The following PFKL variants were observed in gnomAD, a reference collection of about 807,000 sequenced individuals.
The protein encoded by PFKL is phosphofructokinase, liver type.
In PFKL, 74 loss-of-function variants were observed where a neutral mutation model predicts 92.1. The observed-to-expected ratio is 0.80, with a 90% CI of 0.67 to 0.97. The LOEUF is 0.97. Among genes scored for constraint, PFKL ranks in the 50% least tolerant of loss-of-function variants. PFKL has a pLI of 0.00. For missense variants in PFKL, 1,028 were observed against 1,116.6 expected, an observed-to-expected ratio of 0.92 and a Z score of 1.13; for synonymous variants, 494 against 456.4, an observed-to-expected ratio of 1.08 and a Z score of -1.05.
In PFKL at chr21:44,321,747, A is replaced by G. The variant is rs1271133953; in HGVS notation, c.1210A>G (p.Ile404Val). The change falls in exon 13 of 22, where the codon ATC becomes GTC. Residue 404 changes from isoleucine to valine, a missense_variant. Transcript: ENST00000349048. ...PKEKSNFSLAILNVGAPAAGM... is the reference protein window; with the variant it reads ...PKEKSNFSLAVLNVGAPAAGM... ...TCTGAAGTCTAACTTCTCCCTGGCC[A>G]TCCTGAATGTGGGGGCCCCGGCGGC... The G allele has an allele frequency of 1.3e-6, 2 of 1,581,660 alleles. No homozygotes were observed. Among genetic ancestry groups the G allele is most frequent in the East Asian group, 2.3e-5 (1 of 43,790 alleles).
intron 8 of PFKL, 39 bp from the exon 9 acceptor site, chr21:44,316,393 G>A (rs984993151): frequency 1.2e-6 from 2 of 1,612,106 alleles, no homozygotes; most frequent in East Asian, 2.2e-5. Context: ...AGGCCGTGTG[G>A]GCTGGGGCTC....
intron 2 of PFKL, among the ~76,000 whole-genome samples, chr21:44,308,021 TGCAGAGCCCA>T (rs2041002213): frequency 2.0e-5 from 3 of 152,302 alleles, no homozygotes; most frequent in Non-Finnish European, 2.9e-5. Flanking sequence ...TCCTGGCTTC[TGCAGAGCCCA>T]GCAGAGACCA....
At chr21:44,311,574 C>T (rs1407696623) in intron 3 of PFKL, among the ~76,000 whole-genome samples, 2 of 152,232 alleles carry the variant, frequency 1.3e-5, no homozygotes, top group African/African-American at 2.4e-5. Context: ...AGGTTCAGGC[C>T]GACCCTGTCA....
chr21:44,318,446 G>A, intron 9 of PFKL, 24 bp from the exon 10 acceptor site: 2 of 1,477,584 alleles, frequency 1.4e-6, no homozygotes, highest in Admixed American at 2.1e-5. Context: ...AAGTGGGTGT[G>A]CCAGCCTGAA....
chr21:44,326,611 T>G, intron 21 of PFKL, 104 bp from the exon 22 acceptor site: 1 of 1,284,600 alleles, frequency 7.8e-7, no homozygotes. Flanking sequence ...CAGAGGGGCA[T>G]GCACAGGCTG....
chr21:44,322,989 C>T lies in PFKL; in HGVS notation c.1437C>T (p.Ser479=), dbSNP rs773401861. ...CCCTGCCCAAGGGCCAGCTGGAGTC[C>T]ATTGTGGAGAACATCCGCATCTATG... ...KRTLPKGQLE[S]IVENIRIYGI... Residue 479 remains serine, a synonymous_variant, in exon 15 of 22, where the codon TCC becomes TCT. Coordinates refer to ENST00000349048, the MANE Select transcript of PFKL (RefSeq NM_002626.6). The T allele has an allele frequency of 1.9e-6, 3 of 1,612,764 alleles. No individual in the cohort carries two copies. The highest frequency in any genetic ancestry group is 1.7e-6 in the Non-Finnish European group (2 of 1,179,406).
chr21:44,320,741 C>T (rs1255948609), intron 12 of PFKL: 1 of 152,416 alleles, frequency 6.6e-6, no homozygotes, highest in East Asian at 1.9e-4. Context: ...AAAATGTTCC[C>T]AAACAGCTGA....
chr21:44,315,002 G>A (rs2838549), intron 7 of PFKL: 12,862 of 152,318 alleles, frequency 0.084, 578 homozygotes, highest in African/African-American at 0.11. Context: ...CCACCTCCGC[G>A]TGGCTGTACA....
At chr21:44,303,368 G>A (rs564480464) in intron 1 of PFKL, among the ~76,000 whole-genome samples, 7 of 135,658 alleles carry the variant, frequency 5.2e-5, no homozygotes, top group South Asian at 2.4e-4. Context: ...CCAAGATCCC[G>A]CCACTGCACT....
Position 44,313,654 on chromosome 21 carries a change from G to A in PFKL, c.610G>A (p.Val204Met), listed in dbSNP as rs770454707. ...TCTCCACAGCCACCAGAGGACCTTC[G>A]TGCTGGAAGTGATGGGCCGGCACTG... ...TTAQSHQRTF[V>M]LEVMGRHCGY... Residue 204 changes from valine (V) to methionine (M), a missense_variant, in exon 6 of 22, where the codon GTG (valine) becomes ATG (methionine). By Grantham distance (21) the Val-to-Met change is conservative. Transcript: ENST00000349048. 1.2e-6 allele frequency: 2 copies of A among 1,612,276 alleles called. No individual in the cohort carries two copies. Among genetic ancestry groups the A allele is most frequent in the South Asian group, 1.1e-5 (1 of 90,808 alleles).
In PFKL at chr21:44,326,171, C is replaced by CAGACT; in HGVS notation, c.2102_2103insAGACT (p.Asn702AspfsTer10). 1 of 1,612,616 alleles carries CAGACT rather than the reference C, an allele frequency of 6.2e-7. No individual in the cohort carries two copies. The highest frequency in any genetic ancestry group is 8.5e-7 in the Non-Finnish European group (1 of 1,179,544). ...CCTCTGTTTGCAGGACGGGTGTTCG[C>CAGACT]CAATGCCCCAGACTCGGCCTGCGTG... On this transcript the variant is annotated frameshift_variant, in exon 21 of 22. Coordinates refer to ENST00000349048, the MANE Select transcript of PFKL (RefSeq NM_002626.6). LOFTEE classifies it high-confidence loss of function.
In PFKL at chr21:44,326,930, G is replaced by T. The variant is rs535956650; in HGVS notation, c.*68G>T. ...AGCGCAGCGCCAGGGCTCAGATGGG[G>T]CCTGGGCTGTTGTGTCTGGAGCCTG... On this transcript the variant is annotated 3_prime_UTR_variant, in exon 22 of 22. Coordinates refer to ENST00000349048, the MANE Select transcript of PFKL (RefSeq NM_002626.6). The T allele has an allele frequency of 1.5e-3, 2,079 of 1,432,736 alleles. 6 individuals are homozygous for T. The highest frequency in any genetic ancestry group is 1.8e-3 in the South Asian group (151 of 82,084). The allele number at this position is 1,432,736 out of a possible 1,614,324, so 88.8% of individuals were successfully genotyped here. A position where few individuals can be genotyped will look rare whatever the true frequency, so the allele number is the denominator to read the frequency against.
At chr21:44,324,068 G>T in intron 16 of PFKL, 150 bp downstream of exon 16, 1 of 858,228 alleles carries the variant, frequency 1.2e-6, no homozygotes, top group Admixed American at 2.4e-5. Flanking sequence ...CGGGTGAAGG[G>T]GCTCAGCTCC....
Position 44,325,151 on chromosome 21 carries a change from A to G in PFKL, c.1878-2A>G. On this transcript the variant is annotated splice_acceptor_variant, in intron 18 of 21. Coordinates refer to ENST00000349048, the MANE Select transcript of PFKL (RefSeq NM_002626.6). LOFTEE classifies it high-confidence loss of function. Reference sequence around the variant, plus strand: ...CGACTCAGGCCCTGCTGCCCCTCTCAGGAACGAGAAGTGCCATGACTACTA... The same window carrying G: ...CGACTCAGGCCCTGCTGCCCCTCTCGGGAACGAGAAGTGCCATGACTACTA... The G allele has an allele frequency of 6.2e-7, 1 of 1,600,822 alleles. No homozygotes were observed. The highest frequency in any genetic ancestry group is 8.6e-7 in the Non-Finnish European group (1 of 1,168,682).
At chr21:44,304,771 G>C (rs1478760274) in intron 1 of PFKL, among the ~76,000 whole-genome samples, 1 of 135,788 alleles carries the variant, frequency 7.4e-6, no homozygotes, top group African/African-American at 2.8e-5. Context: ...CTGTCTTTCT[G>C]GGGGAGCTTG....
chr21:44,324,481 T>G lies in PFKL; in HGVS notation c.1651-10T>G. The stretch of plus-strand genomic sequence containing the variant: ...ACGTGGAGGACCCCCGACCCCCCCT[T>G]GTCCCCCAGAGCTGTGACCGCATCA... On this transcript the variant is annotated splice_polypyrimidine_tract_variant and intron_variant, in intron 16 of 21. Transcript: ENST00000349048. The G allele has an allele frequency of 6.2e-7, 1 of 1,612,738 alleles. No individual in the cohort carries two copies. The highest frequency in any genetic ancestry group is 8.5e-7 in the Non-Finnish European group (1 of 1,179,634).
At position 44,324,659 on chromosome 21, in the gene PFKL, A is replaced by G. The variant is rs557150919; in HGVS notation, c.1815+4A>G. ...TTTCAACATCCACGACTTAAAGGTG[A>G]GCCCAGCCCAGCCCCTGCTGCGGCA... On this transcript the variant is annotated splice_donor_region_variant and intron_variant, in intron 17 of 21. Coordinates refer to ENST00000349048, the MANE Select transcript of PFKL (RefSeq NM_002626.6). 1 of 1,570,432 alleles carries G rather than the reference A, an allele frequency of 6.4e-7. No homozygotes were observed. Among genetic ancestry groups the G allele is most frequent in the South Asian group, 1.2e-5 (1 of 84,562 alleles).
chr21:44,324,374 G>A, intron 16 of PFKL, 117 bp from the exon 17 acceptor site: 2 of 1,018,984 alleles, frequency 2.0e-6, no homozygotes, highest in South Asian at 1.5e-5. Context: ...GGCTGTCTGG[G>A]TGCGTCAGCC....
chr21:44,316,276 C>T lies in PFKL; in HGVS notation c.780C>T (p.Ile260=), dbSNP rs2047202053. Reference sequence around the variant, plus strand: ...GCCGTGGGTCCCGACTGAACATCATCATCATCGCTGAGGGTGCCATTGACC... The same window carrying T: ...GCCGTGGGTCCCGACTGAACATCATTATCATCGCTGAGGGTGCCATTGACC... ...TRSRGSRLNI[I]IIAEGAIDRN... Residue 260 remains isoleucine, a synonymous_variant, in exon 8 of 22, where the codon ATC becomes ATT. Transcript: ENST00000349048. 1 of 1,613,140 alleles carries T rather than the reference C, an allele frequency of 6.2e-7. No homozygotes were observed. Among genetic ancestry groups the T allele is most frequent in the Non-Finnish European group, 8.5e-7 (1 of 1,179,980 alleles).
Sources: gnomAD v4.1 joint callset for allele counts (sites outside exome capture counted in the v4.1 genomes callset) on GRCh38, gnomAD v4.1.1 for gene constraint, MANE v1.5 for transcripts, NCBI Gene and HGNC (gene_info 2026-07-23, HGNC 2026-07-21) for gene names.